PCDHGA1: variants seen among roughly 807,000 people sequenced by gnomAD.
PCDHGA1 encodes protocadherin gamma subfamily A, 1.
Under a neutral mutation model 58.0 loss-of-function variants are expected in PCDHGA1, and 32 were observed. The ratio of observed to expected loss-of-function variants is 0.55; its 90% CI spans 0.42 to 0.74. The LOEUF (loss-of-function observed/expected upper bound fraction) is 0.74. Among genes scored for constraint, PCDHGA1 ranks in the 30% least tolerant of loss-of-function variants. The pLI, the probability that PCDHGA1 is intolerant of heterozygous loss-of-function variation, is 0.00. For missense variants in PCDHGA1, 1,205 were observed against 1,182.3 expected, an observed-to-expected ratio of 1.02 and a Z score of -0.28; for synonymous variants, 498 against 501.1, an observed-to-expected ratio of 0.99 and a Z score of 0.08.
At chr5:141,488,872 T>C (rs773185475) in intron 1 of PCDHGA1, among the ~76,000 whole-genome samples, 4 of 151,794 alleles carry the variant, frequency 2.6e-5, no homozygotes, top group Non-Finnish European at 5.9e-5. Flanking sequence ...AGTGGGGAGG[T>C]AGGAAGCTTC....
At position 141,384,883 on chromosome 5, in the gene PCDHGA1, G is replaced by A. The variant is rs774353364; in HGVS notation, c.2421+51778G>A. ...TCTGTCAGCCACCGTCACACTCACCGTGGCTGTGGCTGACAGCATCCCCGA... is the reference window on the plus strand; with the variant it reads ...TCTGTCAGCCACCGTCACACTCACCATGGCTGTGGCTGACAGCATCCCCGA... On this transcript the variant is annotated intron_variant, in intron 1 of 3. Coordinates refer to ENST00000517417, the MANE Select transcript of PCDHGA1 (RefSeq NM_018912.3). 62 of 1,613,804 alleles carry A rather than the reference G, an allele frequency of 3.8e-5. 1 individual carries two copies. In the East Asian group the frequency reaches 1.3e-3, roughly 35 times the overall value.
At chr5:141,494,522 G>C (rs2099754911) in intron 1 of PCDHGA1, among the ~76,000 whole-genome samples, 1 of 152,196 alleles carries the variant, frequency 6.6e-6, no homozygotes, top group Non-Finnish European at 1.5e-5. Flanking sequence ...CAGGAGTTCT[G>C]ACTCTGGGGG....
At chr5:141,401,726 A>T (rs943909540) in intron 1 of PCDHGA1, among the ~76,000 whole-genome samples, 1 of 152,186 alleles carries the variant, frequency 6.6e-6, no homozygotes, top group African/African-American at 2.4e-5. Context: ...AAAAACTACT[A>T]GTCTTGTGTA....
In PCDHGA1 at chr5:141,399,285, C is replaced by T. The variant is rs751998465; in HGVS notation, c.2421+66180C>T. 3 of 1,613,720 alleles carry T rather than the reference C, an allele frequency of 1.9e-6. No homozygotes were observed. In the African/African-American group the frequency reaches 4.0e-5, roughly 22 times the overall value. ...TTAATTGTCAATTACAAGGCGAAGTCCCTTTTAAGATTATCTCTTCATCCA... is the reference window on the plus strand; with the variant it reads ...TTAATTGTCAATTACAAGGCGAAGTTCCTTTTAAGATTATCTCTTCATCCA... On this transcript the variant is annotated intron_variant, in intron 1 of 3. Coordinates refer to ENST00000517417, the MANE Select transcript of PCDHGA1 (RefSeq NM_018912.3).
At chr5:141,414,508 C>T in intron 1 of PCDHGA1, 1 of 1,613,970 alleles carries the variant, frequency 6.2e-7, no homozygotes, top group Non-Finnish European at 8.5e-7. Context: ...CTTTATGCTA[C>T]AAGTGGCAGA....
Position 141,476,220 on chromosome 5 carries a change from A to G in PCDHGA1, c.2422-18587A>G, listed in dbSNP as rs770978000. On this transcript the variant is annotated intron_variant, in intron 1 of 3. Coordinates refer to ENST00000517417, the MANE Select transcript of PCDHGA1 (RefSeq NM_018912.3). This position sits in a 1 kb window ranked among gnomAD's most constrained non-coding sequence, Gnocchi z 7.6. Reference sequence around the variant, plus strand: ...AACAAGGCTTCCACGGTCATTCACTATGAGATCCCGGAGGAAAGAGAGAAG... The same window carrying G: ...AACAAGGCTTCCACGGTCATTCACTGTGAGATCCCGGAGGAAAGAGAGAAG... 44 of 1,613,884 alleles carry G rather than the reference A, an allele frequency of 2.7e-5. No individual in the cohort carries two copies. The highest frequency in any genetic ancestry group is 3.4e-5 in the Non-Finnish European group (40 of 1,180,004).
chr5:141,371,304 A>G (rs745344777), intron 1 of PCDHGA1: 18 of 1,613,870 alleles, frequency 1.1e-5, no homozygotes, highest in East Asian at 4.5e-5. Context: ...ACTCACCACT[A>G]TTGGAGAACT....
intron 1 of PCDHGA1, chr5:141,364,782 G>A (rs1315121311): frequency 6.2e-7 from 1 of 1,613,884 alleles, no homozygotes; most frequent in African/African-American, 1.3e-5. Flanking sequence ...GCAGGGACAC[G>A]GTTAGTGCTT....
At position 141,418,595 on chromosome 5, in the gene PCDHGA1, G is replaced by A. The variant is rs1331897624; in HGVS notation, c.2422-76212G>A. The A allele has an allele frequency of 2.5e-6, 4 of 1,613,928 alleles. No individual in the cohort carries two copies. Among genetic ancestry groups the A allele is most frequent in the Admixed American group, 3.3e-5 (2 of 60,006 alleles). On this transcript the variant is annotated intron_variant, in intron 1 of 3. Transcript: ENST00000517417. ...CAACCCCCCAGTGTTCAGCCAGGAC[G>A]TGTACAGGGTTAGCCTTCGGGAAGA...
Position 141,489,160 on chromosome 5 carries a change from C to A in PCDHGA1, c.2422-5647C>A. 1 of 1,029,962 alleles carries A rather than the reference C, an allele frequency of 9.7e-7. No individual in the cohort carries two copies. The highest frequency in any genetic ancestry group is 1.4e-6 in the Non-Finnish European group (1 of 701,366). 63.8% of individuals were successfully genotyped at this position (1,029,962 alleles called of 1,614,324 possible). ...GGCTGGAAGGAGACATAAGAGACTT[C>A]AGCTGCTGCATTCCAAGCCCTGGGT... On this transcript the variant is annotated intron_variant, in intron 1 of 3. Coordinates refer to ENST00000517417, the MANE Select transcript of PCDHGA1 (RefSeq NM_018912.3). The surrounding 1 kb of genome is among the most constrained non-coding windows in gnomAD (Gnocchi z 4.5).
chr5:141,449,588 CAAAAAA>C (rs768743917), intron 1 of PCDHGA1, among the ~76,000 whole-genome samples: 1 of 57,492 alleles, frequency 1.7e-5, no homozygotes, highest in Admixed American at 1.8e-4. Flanking sequence ...GACTCTGTCT[CAAAAAA>C]AAAAAAAAAA....
At chr5:141,414,102 A>G in intron 1 of PCDHGA1, 1 of 1,593,854 alleles carries the variant, frequency 6.3e-7, no homozygotes, top group Non-Finnish European at 8.5e-7. Context: ...AAATATCAGA[A>G]AATCTAGATT....
In PCDHGA1 at chr5:141,376,236, G is replaced by T. The variant is rs202155785; in HGVS notation, c.2421+43131G>T. ...GTGCTGCTGGCGCTCAGACTGCAGCGCTGGCACAAGTCACGCCTGCTGCAG... is the reference window on the plus strand; with the variant it reads ...GTGCTGCTGGCGCTCAGACTGCAGCTCTGGCACAAGTCACGCCTGCTGCAG... On this transcript the variant is annotated intron_variant, in intron 1 of 3. Coordinates refer to ENST00000517417, the MANE Select transcript of PCDHGA1 (RefSeq NM_018912.3). The T allele has an allele frequency of 2.8e-3, 4,477 of 1,614,208 alleles. 145 individuals carry two copies. In the South Asian group the frequency reaches 0.046, roughly 17 times the overall value.
intron 1 of PCDHGA1, among the ~76,000 whole-genome samples, chr5:141,450,322 T>A (rs1246284108): frequency 6.6e-6 from 1 of 152,106 alleles, no homozygotes; most frequent in African/African-American, 2.4e-5. Context: ...CTAGTTGCCA[T>A]GTCTCTTTAA....
At chr5:141,356,299 G>A (rs1226901970) in intron 1 of PCDHGA1, 10 of 1,554,820 alleles carry the variant, frequency 6.4e-6, no homozygotes, top group Non-Finnish European at 7.8e-6. Flanking sequence ...TACAGTAATT[G>A]CACTTTTCAA....
At chr5:141,376,788 G>A (rs944207667) in intron 1 of PCDHGA1, 10 of 365,346 alleles carry the variant, frequency 2.7e-5, no homozygotes, top group Non-Finnish European at 4.9e-5. Context: ...CCGGGTTCAC[G>A]CCATTCTCCT....
intron 2 of PCDHGA1, among the ~76,000 whole-genome samples, chr5:141,499,256 A>G (rs371266271): frequency 6.6e-6 from 1 of 151,968 alleles, no homozygotes; most frequent in Non-Finnish European, 1.5e-5. Context: ...AAGAGTCTCC[A>G]TTTGGTCCCT....
intron 1 of PCDHGA1, chr5:141,357,870 A>G (rs1760750404): frequency 3.6e-6 from 2 of 550,968 alleles, no homozygotes; most frequent in African/African-American, 1.9e-5. Flanking sequence ...TAATTTTACA[A>G]CTCTGAGCCA....
chr5:141,487,001 C>T lies in PCDHGA1; in HGVS notation c.2422-7806C>T. ...TTACAATGCTTGGGTTTCCTATCAG[C>T]TCCTGGAGGCCCCAGATCCCAGCCT... On this transcript the variant is annotated intron_variant, in intron 1 of 3. Transcript: ENST00000517417. This position sits in a 1 kb window ranked among gnomAD's most constrained non-coding sequence, Gnocchi z 5.0. 6.2e-7 allele frequency: 1 copy of T among 1,614,218 alleles called. No individual in the cohort carries two copies. The highest frequency in any genetic ancestry group is 8.5e-7 in the Non-Finnish European group (1 of 1,180,038).
Sources: allele counts gnomAD v4.1 joint callset (sites outside exome capture counted in the v4.1 genomes callset), GRCh38; gene constraint gnomAD v4.1.1; non-coding constraint Gnocchi (gnomAD v3.1); transcripts MANE v1.5; gene names NCBI Gene and HGNC (gene_info 2026-07-23, HGNC 2026-07-21).